The following PAX7 variants were observed in gnomAD, a reference collection of about 807,000 sequenced individuals.
PAX7 encodes the protein paired box 7, also known as paired box protein Pax-7.
In PAX7, 18 loss-of-function variants were observed where a neutral mutation model predicts 50.7. The observed-to-expected ratio is 0.36, with a 90% CI of 0.25 to 0.53. PAX7 has a LOEUF of 0.53. Among genes scored for constraint, PAX7 ranks in the 20% least tolerant of loss-of-function variants. PAX7 has a pLI of 0.93. For missense variants in PAX7, 644 were observed against 702.9 expected, an observed-to-expected ratio of 0.92 and a Z score of 0.95; for synonymous variants, 310 against 290.4, an observed-to-expected ratio of 1.07 and a Z score of -0.69.
At chr1:18,640,155 T>TA (rs2088228619) in intron 4 of PAX7, among the ~76,000 whole-genome samples, 1 of 152,134 alleles carries the variant, frequency 6.6e-6, no homozygotes, top group African/African-American at 2.4e-5. Context: ...GCAGCAAACT[T>TA]ACAGGTGTGG....
At position 18,719,697 on chromosome 1, in the gene PAX7, C is replaced by A. The variant is rs188995580; in HGVS notation, c.1156-15935C>A. ...GGGCATAGATAATGACCTCTGCTGG[C>A]CCTGGAACTCCATAGCATCCTTCCC... On this transcript the variant is annotated intron_variant, in intron 7 of 8. Transcript: ENST00000420770. Among the ~76,000 whole-genome samples the A allele has an allele frequency of 1.1e-4, 16 of 152,344 alleles. No individual in the cohort carries two copies. The East Asian group carries it at 2.5e-3, about 24-fold the overall frequency.
At chr1:18,733,157 C>T (rs370987767) in intron 7 of PAX7, among the ~76,000 whole-genome samples, 5 of 74,414 alleles carry the variant, frequency 6.7e-5, no homozygotes, top group Non-Finnish European at 2.0e-4. Flanking sequence ...CCTCCCCAAG[C>T]CCCTTAGCAC....
intron 1 of PAX7, among the ~76,000 whole-genome samples, chr1:18,633,813 C>G (rs1463921551): frequency 5.3e-5 from 8 of 152,196 alleles, no homozygotes. Context: ...CTACCAGGAG[C>G]GTAGAACTGA....
intron 5 of PAX7, among the ~76,000 whole-genome samples, chr1:18,694,357 A>G (rs71645417): frequency 0.064 from 9,650 of 151,880 alleles, 486 homozygotes; most frequent in East Asian, 0.25. Context: ...TACTCGGGAG[A>G]CTGAGGCAGG....
rs375089920 is a variant in PAX7 at position 18,708,181 on chromosome 1, A to G, written c.1155+4885A>G. 2.1e-3 allele frequency among the ~76,000 whole-genome samples: 319 copies of G among 152,236 alleles called. 6 individuals carry two copies. In the Middle Eastern group the frequency reaches 0.027, roughly 13 times the overall value. On this transcript the variant is annotated intron_variant, in intron 7 of 8. Coordinates refer to ENST00000420770, the MANE Select transcript of PAX7 (RefSeq NM_001135254.2). Reference sequence around the variant, plus strand: ...ATAACGTTCATCTGGGGTTAGGATCATAGACTACCCGCAACCCCCAGCCCA... The same window carrying G: ...ATAACGTTCATCTGGGGTTAGGATCGTAGACTACCCGCAACCCCCAGCCCA...
intron 7 of PAX7, among the ~76,000 whole-genome samples, chr1:18,724,218 G>A (rs1386631016): frequency 1.3e-5 from 2 of 149,514 alleles, no homozygotes; most frequent in Non-Finnish European, 1.5e-5. Flanking sequence ...TCCACCAGTC[G>A]AGGCTGGCTC....
At chr1:18,731,827 C>T (rs964831997) in intron 7 of PAX7, among the ~76,000 whole-genome samples, 1 of 152,180 alleles carries the variant, frequency 6.6e-6, no homozygotes, top group African/African-American at 2.4e-5. Flanking sequence ...GGGAAAAGCT[C>T]CCTGGACCCA....
Position 18,631,029 on chromosome 1 carries a change from C to T in PAX7, c.-575C>T, listed in dbSNP as rs187326355. 2.0e-3 allele frequency: 462 copies of T among 226,206 alleles called. 2 individuals are homozygous for T. The highest frequency in any genetic ancestry group is 3.1e-3 in the Admixed American group (54 of 17,506). 14.0% of individuals were successfully genotyped at this position (226,206 alleles called of 1,614,324 possible). On this transcript the variant is annotated 5_prime_UTR_variant, in exon 1 of 9. Transcript: ENST00000420770. Reference sequence around the variant, plus strand: ...GTGAAAGCTGGTGTGGAGGGAGAAGCGAGTGTGGTCCGGAGAAAGAAGGCG... The same window carrying T: ...GTGAAAGCTGGTGTGGAGGGAGAAGTGAGTGTGGTCCGGAGAAAGAAGGCG...
intron 4 of PAX7, among the ~76,000 whole-genome samples, chr1:18,655,848 G>A (rs1334413552): frequency 2.6e-5 from 4 of 151,572 alleles, no homozygotes; most frequent in African/African-American, 9.7e-5. Context: ...CAGGCCCTGG[G>A]AGACCCATCT....
chr1:18,664,748 G>A (rs79105561), intron 4 of PAX7, among the ~76,000 whole-genome samples: 1,660 of 152,176 alleles, frequency 0.011, 32 homozygotes, highest in African/African-American at 0.037. Flanking sequence ...TCAGGAAGGT[G>A]AGCCCCCGAG....
intron 7 of PAX7, among the ~76,000 whole-genome samples, chr1:18,731,103 C>T (rs948018895): frequency 6.6e-6 from 1 of 152,106 alleles, no homozygotes; most frequent in Non-Finnish European, 1.5e-5. Context: ...GCAAGGTCAC[C>T]AGGAAAAAAG....
chr1:18,737,115 G>T (rs769173454), intron 8 of PAX7, among the ~76,000 whole-genome samples: 1 of 152,256 alleles, frequency 6.6e-6, no homozygotes, highest in Non-Finnish European at 1.5e-5. Context: ...AGCCTCCACC[G>T]CCTGGCAAGG....
chr1:18,726,145 A>AGT lies in PAX7; in HGVS notation c.1156-9454_1156-9453dup, dbSNP rs35982827. Among the ~76,000 whole-genome samples, 22,641 of 137,236 alleles carry AGT rather than the reference A, an allele frequency of 0.16. 1,733 individuals carry two copies. Among genetic ancestry groups the AGT allele is most frequent in the Non-Finnish European group, 0.19 (12,187 of 63,860 alleles). The allele number at this position is 137,236 out of a possible 152,430, so 90.0% of individuals were successfully genotyped here. ...ATAAAACAGACATTGGAAGAGTGTG[A>AGT]GTGTGTGTGTGTGTGTGTGTGTGTG... On this transcript the variant is annotated intron_variant, in intron 7 of 8. Transcript: ENST00000420770. This position sits in a 1 kb window ranked among gnomAD's most constrained non-coding sequence, Gnocchi z 4.8.
chr1:18,631,772 G>A (rs2088052966), intron 1 of PAX7, 84 bp downstream of exon 1: 3 of 1,151,148 alleles, frequency 2.6e-6, no homozygotes, highest in South Asian at 1.3e-5. Flanking sequence ...CCAGGGGACG[G>A]TGGCGGCGCC....
intron 4 of PAX7, among the ~76,000 whole-genome samples, chr1:18,680,885 C>A (rs1004936909): frequency 1.3e-5 from 2 of 152,104 alleles, no homozygotes; most frequent in African/African-American, 4.8e-5. Context: ...GAGCCGGGCG[C>A]GGTGGCTCAC....
intron 4 of PAX7, among the ~76,000 whole-genome samples, chr1:18,645,037 C>T (rs1022529512): frequency 1.3e-5 from 2 of 152,194 alleles, no homozygotes; most frequent in African/African-American, 4.8e-5. Context: ...AGATGTGTCT[C>T]GTTATGTGTT....
intron 7 of PAX7, among the ~76,000 whole-genome samples, chr1:18,719,347 GA>G (rs1294750646): frequency 6.6e-6 from 1 of 152,232 alleles, no homozygotes; most frequent in African/African-American, 2.4e-5. Flanking sequence ...TGGGGCTTTT[GA>G]GGGAGATCCG....
chr1:18,640,771 C>A (rs1303213602), intron 4 of PAX7, among the ~76,000 whole-genome samples: 1 of 150,456 alleles, frequency 6.6e-6, no homozygotes, highest in Non-Finnish European at 1.5e-5. Flanking sequence ...CTTTAGGCAG[C>A]GCTCGGCGGT....
rs965227866 is a variant in PAX7, at chr1:18,632,642, A to G, written c.85+954A>G. Among the ~76,000 whole-genome samples, 1 of 110,884 alleles carries G rather than the reference A, an allele frequency of 9.0e-6. No individual in the cohort carries two copies. The highest frequency in any genetic ancestry group is 1.9e-5 in the Non-Finnish European group (1 of 53,652). 72.7% of individuals were successfully genotyped at this position (110,884 alleles called of 152,430 possible). On this transcript the variant is annotated intron_variant, in intron 1 of 8. Transcript: ENST00000420770. This position sits in a 1 kb window ranked among gnomAD's most constrained non-coding sequence, Gnocchi z 6.3. ...AGAGAAGTCATTAGAAATATGTGCGACTTTTTTTTTTTAAATTACTCTTCC... is the reference window on the plus strand; with the variant it reads ...AGAGAAGTCATTAGAAATATGTGCGGCTTTTTTTTTTTAAATTACTCTTCC...
Sources: gnomAD v4.1 joint callset for allele counts (sites outside exome capture counted in the v4.1 genomes callset) on GRCh38, gnomAD v4.1.1 for gene constraint, Gnocchi (gnomAD v3.1) non-coding constraint, MANE v1.5 for transcripts, NCBI Gene and HGNC (gene_info 2026-07-23, HGNC 2026-07-21) for gene names.